PCDHA10: variants seen among roughly 807,000 people sequenced by gnomAD.
The protein encoded by PCDHA10 is protocadherin alpha-10.
PCDHA10 carries 45 observed loss-of-function variants against 61.2 expected under a neutral mutation model. The observed-to-expected ratio is 0.74, with a 90% CI of 0.58 to 0.94. The LOEUF (loss-of-function observed/expected upper bound fraction) is 0.94. PCDHA10 is among the 40% of genes least tolerant of loss of function. The probability of loss-of-function intolerance (pLI) is 0.00; values close to 1 mark genes in which losing one functional copy is unlikely to be tolerated. For synonymous variants in PCDHA10, 602 were observed against 548.8 expected (o/e 1.10, Z -1.35); for missense variants, 1,278 against 1,236.2 (o/e 1.03, Z -0.51).
chr5:140,907,491 C>A (rs1554193021), intron 1 of PCDHA10, among the ~76,000 whole-genome samples: 1 of 152,186 alleles, frequency 6.6e-6, no homozygotes, highest in Non-Finnish European at 1.5e-5. Flanking sequence ...AAACCCATAT[C>A]CAGAGTAAGT....
At chr5:141,000,377 C>G (rs1213637729) in intron 3 of PCDHA10, among the ~76,000 whole-genome samples, 1 of 58,954 alleles carries the variant, frequency 1.7e-5, no homozygotes, top group South Asian at 5.5e-4. Flanking sequence ...CTCTCTCTCT[C>G]TCTCTCTCTC....
At chr5:140,958,278 T>A (rs1445019557) in intron 1 of PCDHA10, among the ~76,000 whole-genome samples, 1 of 152,090 alleles carries the variant, frequency 6.6e-6, no homozygotes, top group Non-Finnish European at 1.5e-5. Flanking sequence ...GAAGTATATA[T>A]TTTAAATATT....
chr5:140,999,139 C>T lies in PCDHA10; in HGVS notation c.2537-10488C>T, dbSNP rs185453971. 2.6e-3 allele frequency among the ~76,000 whole-genome samples: 401 copies of T among 152,236 alleles called. 3 individuals carry two copies. The highest frequency in any genetic ancestry group is 5.8e-3 in the South Asian group (28 of 4,818). On this transcript the variant is annotated intron_variant, in intron 3 of 3. Coordinates refer to ENST00000307360, the MANE Select transcript of PCDHA10 (RefSeq NM_018901.4). ...TTTCTAAGCTGGAAAATGTCACAGCCGGAAGTCTTCAGTCCCCTAGAAGGA... is the reference window on the plus strand; with the variant it reads ...TTTCTAAGCTGGAAAATGTCACAGCTGGAAGTCTTCAGTCCCCTAGAAGGA...
intron 2 of PCDHA10, among the ~76,000 whole-genome samples, chr5:140,980,905 A>G (rs182283088): frequency 1.5e-4 from 23 of 152,274 alleles, no homozygotes; most frequent in Admixed American, 1.4e-3. Context: ...ACATCATGTA[A>G]CTATTCTTTA....
At chr5:140,998,148 A>G (rs1229553205) in intron 3 of PCDHA10, among the ~76,000 whole-genome samples, 10 of 152,234 alleles carry the variant, frequency 6.6e-5, no homozygotes, top group Admixed American at 6.5e-4. Flanking sequence ...TGTACTGAAC[A>G]GTTAAGCCAT....
intron 3 of PCDHA10, among the ~76,000 whole-genome samples, chr5:140,989,495 A>G (rs1408191575): frequency 6.6e-6 from 1 of 152,136 alleles, no homozygotes; most frequent in African/African-American, 2.4e-5. Context: ...AACAAGAAAG[A>G]CCTGCTTATA....
chr5:140,936,944 T>A (rs900789474), intron 1 of PCDHA10, among the ~76,000 whole-genome samples: 3 of 152,226 alleles, frequency 2.0e-5, no homozygotes, highest in African/African-American at 7.2e-5. Flanking sequence ...AATATCTTAT[T>A]TTGATCTTTA....
intron 1 of PCDHA10, chr5:140,870,819 G>T: frequency 3.1e-6 from 5 of 1,613,714 alleles, no homozygotes; most frequent in Non-Finnish European, 4.2e-6. Context: ...CTGGCAGCGC[G>T]GGAGGCGCAG....
At chr5:140,938,536 G>T (rs1443736475) in intron 1 of PCDHA10, among the ~76,000 whole-genome samples, 2 of 140,060 alleles carry the variant, frequency 1.4e-5, no homozygotes, top group Non-Finnish European at 3.2e-5. Context: ...TGGATAATAT[G>T]GATTTTTATC....
At chr5:140,859,846 T>C (rs1156718746) in intron 1 of PCDHA10, 1 of 152,114 alleles carries the variant, frequency 6.6e-6, no homozygotes. Context: ...TTTTATCAAA[T>C]AGGTTTATGA....
chr5:140,917,936 A>G (rs155801), intron 1 of PCDHA10, among the ~76,000 whole-genome samples: 49,654 of 151,910 alleles, frequency 0.33, 8,386 homozygotes, highest in East Asian at 0.53. Context: ...GAAAAATAAT[A>G]TTGGTAGTTT....
At chr5:140,944,226 C>T (rs988249626) in intron 1 of PCDHA10, among the ~76,000 whole-genome samples, 3 of 152,126 alleles carry the variant, frequency 2.0e-5, no homozygotes, top group Admixed American at 2.0e-4. Flanking sequence ...TTTACTCTGT[C>T]GCTCAGGCTG....
At chr5:140,973,089 T>G (rs534319830) in intron 1 of PCDHA10, among the ~76,000 whole-genome samples, 2 of 152,308 alleles carry the variant, frequency 1.3e-5, no homozygotes, top group East Asian at 3.9e-4. Flanking sequence ...TGGCACAACA[T>G]GTAGAAATTA....
intron 3 of PCDHA10, among the ~76,000 whole-genome samples, chr5:141,005,360 A>G (rs1215157808): frequency 6.6e-6 from 1 of 152,184 alleles, no homozygotes; most frequent in Non-Finnish European, 1.5e-5. Flanking sequence ...TAGGAATGTC[A>G]TAGAATGCCT....
At chr5:140,928,120 G>A (rs368067553) in intron 1 of PCDHA10, 5 of 1,614,062 alleles carry the variant, frequency 3.1e-6, no homozygotes, top group African/African-American at 1.3e-5. Context: ...GCAGATCAGT[G>A]AATACCAAGT....
rs1041924506 is a variant in PCDHA10 at position 140,932,800 on chromosome 5, C to T, written c.2389-46149C>T. ...GAGTGGACATAAGAGAAAAGCAATA[C>T]CTTGGAAACATATAAGTGGGAAAGT... On this transcript the variant is annotated intron_variant, in intron 1 of 3. Coordinates refer to ENST00000307360, the MANE Select transcript of PCDHA10 (RefSeq NM_018901.4). Among the ~76,000 whole-genome samples the T allele has an allele frequency of 2.6e-5, 4 of 151,684 alleles. No homozygotes were observed. The East Asian group carries it at 5.8e-4, about 22-fold the overall frequency.
At chr5:140,947,755 G>T (rs1415482913) in intron 1 of PCDHA10, among the ~76,000 whole-genome samples, 1 of 151,450 alleles carries the variant, frequency 6.6e-6, no homozygotes, top group Non-Finnish European at 1.5e-5. Flanking sequence ...GTATTTTATG[G>T]TTTAAAAAAT....
intron 1 of PCDHA10, 41 bp from the exon 2 acceptor site, chr5:140,978,908 T>C: frequency 6.2e-7 from 1 of 1,613,772 alleles, no homozygotes; most frequent in Non-Finnish European, 8.5e-7. Context: ...GAGAACATTG[T>C]CTTGTCATTT....
chr5:140,876,555 G>C (rs782622293), intron 1 of PCDHA10: 1 of 1,614,072 alleles, frequency 6.2e-7, no homozygotes, highest in African/African-American at 1.3e-5. Context: ...CTGTGCAAGA[G>C]GATGCTCAGG....
Sources: allele counts gnomAD v4.1 joint callset (sites outside exome capture counted in the v4.1 genomes callset), GRCh38; gene constraint gnomAD v4.1.1; transcripts MANE v1.5; gene names NCBI Gene and HGNC (gene_info 2026-07-23, HGNC 2026-07-21).